MTCL1: variants seen among roughly 807,000 people sequenced by gnomAD.
The protein encoded by MTCL1 is microtubule cross-linking factor 1.
Under a neutral mutation model 141.4 loss-of-function variants are expected in MTCL1, and 79 were observed. The observed-to-expected ratio is 0.56, with a 90% CI of 0.47 to 0.67. The LOEUF is 0.67. MTCL1 is among the 30% of genes least tolerant of loss of function. The pLI is 0.00. For missense variants in MTCL1, 2,177 were observed against 2,113.9 expected (o/e 1.03, Z -0.59); for synonymous variants, 914 against 875.8 (o/e 1.04, Z -0.77).
chr18:8,762,956 C>A (rs1240252347), intron 4 of MTCL1, among the ~76,000 whole-genome samples: 1 of 152,184 alleles, frequency 6.6e-6, no homozygotes, highest in Admixed American at 6.5e-5. Context: ...CTTTCCGTTT[C>A]TGTGTATTCT....
rs369569277 is a variant in MTCL1 at position 8,827,430 on chromosome 18, A to G, written c.4722+1198A>G. On this transcript the variant is annotated intron_variant, in intron 15 of 16. Transcript: ENST00000359865. ...CTGCCAATGGCTTACAGAAGTGGCA[A>G]TTCCATATGGTTCACACCTAATACA... 1.1e-3 allele frequency among the ~76,000 whole-genome samples: 162 copies of G among 152,358 alleles called. 1 individual carries two copies. Among genetic ancestry groups the G allele is most frequent in the African/African-American group, 3.6e-3 (149 of 41,584 alleles).
intron 14 of MTCL1, among the ~76,000 whole-genome samples, chr18:8,824,300 C>G (rs1214203438): frequency 6.6e-6 from 1 of 152,242 alleles, no homozygotes; most frequent in Admixed American, 6.5e-5. Flanking sequence ...CAGGTGGCAG[C>G]TTGCCAAAAC....
At chr18:8,741,394 T>C (rs768932575) in intron 4 of MTCL1, among the ~76,000 whole-genome samples, 13 of 152,234 alleles carry the variant, frequency 8.5e-5, no homozygotes, top group Non-Finnish European at 1.6e-4. Context: ...TTGCTTATAA[T>C]AGCAAGTACC....
upstream of MTCL1, among the ~76,000 whole-genome samples, chr18:8,716,859 C>T (rs2096131576): frequency 6.6e-6 from 1 of 152,074 alleles, no homozygotes; most frequent in African/African-American, 2.4e-5. Flanking sequence ...AAGAAAATCC[C>T]TAGAATGTTT....
chr18:8,733,788 C>T (rs1462251669), intron 4 of MTCL1, among the ~76,000 whole-genome samples: 1 of 152,050 alleles, frequency 6.6e-6, no homozygotes. Context: ...GGGAGTGGGC[C>T]GGCCAGCTGG....
exon 4 of MTCL1, chr18:8,720,352 A>G: frequency 6.2e-7 from 1 of 1,614,168 alleles, no homozygotes; most frequent in Non-Finnish European, 8.5e-7. Context: ...CCAAAGATGT[A>G]TCTGTCAGAT....
chr18:8,726,635 ACGCTGAGGGT>A lies in MTCL1; in HGVS notation c.357+6141_357+6150del, dbSNP rs369310638. On this transcript the variant is annotated intron_variant, in intron 4 of 16. Coordinates refer to ENST00000359865, the Ensembl canonical transcript of MTCL1. Reference sequence around the variant, plus strand: ...CAAGGCCCCACCTCCATAGAACATCACGCTGAGGGTCAGGGCTTCCACATATGAATTTGGG... The same window carrying A: ...CAAGGCCCCACCTCCATAGAACATCACAGGGCTTCCACATATGAATTTGGG... Among the ~76,000 whole-genome samples, 440 of 152,178 alleles carry A rather than the reference ACGCTGAGGGT, an allele frequency of 2.9e-3. 4 individuals are homozygous for A. Among genetic ancestry groups the A allele is most frequent in the African/African-American group, 0.01 (423 of 41,502 alleles).
At chr18:8,753,127 A>G (rs779217630) in intron 4 of MTCL1, among the ~76,000 whole-genome samples, 2 of 152,224 alleles carry the variant, frequency 1.3e-5, no homozygotes, top group East Asian at 3.8e-4. Context: ...CACAGACAGA[A>G]GTCTTCATGC....
At chr18:8,757,906 T>G (rs1363212615) in intron 4 of MTCL1, among the ~76,000 whole-genome samples, 2 of 152,238 alleles carry the variant, frequency 1.3e-5, no homozygotes, top group Non-Finnish European at 2.9e-5. Context: ...GGAAAAGGTT[T>G]TAAAGACTGA....
intron 10 of MTCL1, chr18:8,801,692 A>G (rs981319052): frequency 6.6e-6 from 1 of 152,198 alleles, no homozygotes; most frequent in African/African-American, 2.4e-5. Context: ...CTCACAAATA[A>G]GTCTCTTCCC....
intron 4 of MTCL1, among the ~76,000 whole-genome samples, chr18:8,741,482 C>T (rs1362410050): frequency 6.6e-6 from 1 of 152,116 alleles, no homozygotes; most frequent in Non-Finnish European, 1.5e-5. Context: ...GAACTGGCTG[C>T]TTTTCCAGGG....
chr18:8,739,881 G>A (rs1051916367), intron 4 of MTCL1, among the ~76,000 whole-genome samples: 5 of 152,252 alleles, frequency 3.3e-5, no homozygotes, highest in East Asian at 1.9e-4. Context: ...AAAGGCGCAC[G>A]CCACCACACC....
intron 14 of MTCL1, among the ~76,000 whole-genome samples, chr18:8,823,946 GT>G (rs898784104): frequency 6.6e-6 from 1 of 152,228 alleles, no homozygotes; most frequent in Non-Finnish European, 1.5e-5. Flanking sequence ...GTTTAAGCCT[GT>G]GCTTTGTGGG....
At chr18:8,796,426 G>A (rs899891064) in exon 9 of MTCL1, 6 of 1,614,182 alleles carry the variant, frequency 3.7e-6, no homozygotes, top group Non-Finnish European at 5.1e-6. Flanking sequence ...GGCGGCAAGG[G>A]AAGCAGATGG....
upstream of MTCL1, among the ~76,000 whole-genome samples, chr18:8,712,898 G>A (rs1209252285): frequency 6.6e-6 from 1 of 152,184 alleles, no homozygotes; most frequent in African/African-American, 2.4e-5. Context: ...TCTATTTAAA[G>A]AGGAGGTGCT....
At chr18:8,766,260 GCCT>G (rs2096459273) in intron 4 of MTCL1, among the ~76,000 whole-genome samples, 1 of 152,210 alleles carries the variant, frequency 6.6e-6, no homozygotes, top group South Asian at 2.1e-4. Flanking sequence ...GCCTCATGAG[GCCT>G]CCTCCATCAT....
At chr18:8,832,289 G>A (rs1382109530) in exon 17 of MTCL1, 1 of 169,816 alleles carries the variant, frequency 5.9e-6, no homozygotes, top group Non-Finnish European at 1.3e-5. Context: ...TAATGCTTCA[G>A]ACTGTCTGAT....
intron 11 of MTCL1, among the ~76,000 whole-genome samples, chr18:8,812,398 C>T (rs2076518331): frequency 6.6e-6 from 1 of 152,082 alleles, no homozygotes; most frequent in Admixed American, 6.5e-5. Flanking sequence ...TTCTTGAACA[C>T]TTTAGATGCC....
intron 12 of MTCL1, among the ~76,000 whole-genome samples, chr18:8,815,774 C>T (rs1306194350): frequency 6.6e-6 from 1 of 151,926 alleles, no homozygotes; most frequent in Non-Finnish European, 1.5e-5. Flanking sequence ...TGAAACAGTT[C>T]GGCCAAACTG....
Sources: gnomAD v4.1 joint callset for allele counts (sites outside exome capture counted in the v4.1 genomes callset) on GRCh38, gnomAD v4.1.1 for gene constraint, MANE v1.5 for transcripts, NCBI Gene and HGNC (gene_info 2026-07-23, HGNC 2026-07-21) for gene names.